Variants in RALGAPA2 observed in about 807,000 individuals in gnomAD.
RALGAPA2 encodes the protein ral GTPase-activating protein subunit alpha-2.
RALGAPA2 carries 139 observed loss-of-function variants against 230.4 expected under a neutral mutation model. The observed-to-expected ratio is 0.60, with a 90% CI of 0.53 to 0.69. RALGAPA2 has a LOEUF of 0.69. Ranked by LOEUF, RALGAPA2 falls within the 30% of genes least tolerant of loss-of-function variation. The pLI is 0.00. For synonymous variants in RALGAPA2, 847 were observed against 837.8 expected, an observed-to-expected ratio of 1.01 and a Z score of -0.19; for missense variants, 2,163 against 2,276.0, an observed-to-expected ratio of 0.95 and a Z score of 1.01.
intron 4 of RALGAPA2, among the ~76,000 whole-genome samples, chr20:20,651,324 T>C (rs1052616189): frequency 6.6e-6 from 1 of 152,230 alleles, no homozygotes; most frequent in Admixed American, 6.5e-5. Flanking sequence ...AAAGAGCCTG[T>C]TTGACTTTAA....
intron 10 of RALGAPA2, among the ~76,000 whole-genome samples, chr20:20,625,983 C>T (rs1409333310): frequency 6.6e-6 from 1 of 152,204 alleles, no homozygotes; most frequent in East Asian, 1.9e-4. Context: ...TCTTTAGCCT[C>T]TGTCATGAGC....
At position 20,396,740 on chromosome 20, in the gene RALGAPA2, G is replaced by A; in HGVS notation, c.5618-6C>T. The A allele has an allele frequency of 6.2e-7, 1 of 1,602,002 alleles. No homozygotes were observed. Among genetic ancestry groups the A allele is most frequent in the South Asian group, 1.1e-5 (1 of 90,424 alleles). On this transcript the variant is annotated splice_polypyrimidine_tract_variant and splice_region_variant and intron_variant, in intron 38 of 39. Transcript: ENST00000202677. The stretch of plus-strand genomic sequence containing the variant: ...AGACCTTTACGTGTTTTAATCTGAA[G>A]GGAAAGAACACAAAATGGAATGAAT...
Position 20,611,336 on chromosome 20 carries a change from G to C in RALGAPA2, c.1779C>G (p.Ser593Arg). The C allele has an allele frequency of 1.9e-6, 3 of 1,612,830 alleles. No homozygotes were observed. The highest frequency in any genetic ancestry group is 2.5e-6 in the Non-Finnish European group (3 of 1,179,198). ...TTACCCTAAATAGTAACCCTGCCAA[G>C]CTCTGGGCAAACAAGTCCTTTATTT... ...DKQIKDLFAQ[S>R]LAGLLFRTLM... Residue 593 changes from serine (S) to arginine (R), a missense_variant, in exon 14 of 40, where the codon AGC becomes AGG. Transcript: ENST00000202677.
intron 4 of RALGAPA2, among the ~76,000 whole-genome samples, chr20:20,651,284 T>C (rs1233614444): frequency 2.6e-5 from 4 of 152,218 alleles, no homozygotes; most frequent in African/African-American, 9.6e-5. Flanking sequence ...CCACCCAATA[T>C]GATTATTATG....
chr20:20,605,161 A>G lies in RALGAPA2; in HGVS notation c.2038+14T>C. 1 of 1,572,974 alleles carries G rather than the reference A, an allele frequency of 6.4e-7. No individual in the cohort carries two copies. The highest frequency in any genetic ancestry group is 8.7e-7 in the Non-Finnish European group (1 of 1,149,072). ...TCCTAGACATCTGGTGTTAACCTGG[A>G]AGAGTGGAAATACCTTTGCCTCGTT... On this transcript the variant is annotated intron_variant, in intron 15 of 39. Transcript: ENST00000202677.
At chr20:20,483,217 G>C (rs1342163299) in intron 36 of RALGAPA2, among the ~76,000 whole-genome samples, 1 of 152,160 alleles carries the variant, frequency 6.6e-6, no homozygotes, top group Admixed American at 6.5e-5. Flanking sequence ...AAATACCACT[G>C]CCCATCAAAG....
intron 10 of RALGAPA2, among the ~76,000 whole-genome samples, chr20:20,621,265 T>C (rs1482376725): frequency 6.6e-6 from 1 of 152,192 alleles, no homozygotes; most frequent in Non-Finnish European, 1.5e-5. Context: ...ACAATTATAA[T>C]GCACAACCTG....
rs1171469232 is a variant in RALGAPA2 at position 20,616,212 on chromosome 20, A to G, written c.1540-21T>C. On this transcript the variant is annotated intron_variant, in intron 12 of 39. Coordinates refer to ENST00000202677, the MANE Select transcript of RALGAPA2 (RefSeq NM_020343.4). The stretch of plus-strand genomic sequence containing the variant: ...AATACCTTAAAATCAACAACTTTAC[A>G]TTAGAAAATATAACTGAACATAAAC... The G allele has an allele frequency of 2.1e-6, 3 of 1,449,260 alleles. No individual in the cohort carries two copies. The South Asian group carries it at 4.2e-5, about 20-fold the overall frequency. The allele number at this position is 1,449,260 out of a possible 1,614,324, so 89.8% of individuals were successfully genotyped here.
chr20:20,430,778 C>G (rs1254346404), intron 37 of RALGAPA2, among the ~76,000 whole-genome samples: 1 of 152,208 alleles, frequency 6.6e-6, no homozygotes, highest in Non-Finnish European at 1.5e-5. Context: ...GTATGTACAT[C>G]ACTGGGATCA....
At chr20:20,412,296 A>G in intron 37 of RALGAPA2, 148 bp from the exon 38 acceptor site, 1 of 1,147,590 alleles carries the variant, frequency 8.7e-7, no homozygotes, top group Admixed American at 2.3e-5. Flanking sequence ...ATTAAGTATT[A>G]GTCATAATTC....
At chr20:20,537,743 T>C (rs1602697829) in intron 24 of RALGAPA2, among the ~76,000 whole-genome samples, 1 of 151,814 alleles carries the variant, frequency 6.6e-6, no homozygotes, top group African/African-American at 2.4e-5. Context: ...TATCTGTCCA[T>C]CTATATGTCT....
chr20:20,611,016 C>T (rs776830541), intron 14 of RALGAPA2, among the ~76,000 whole-genome samples: 7 of 152,254 alleles, frequency 4.6e-5, no homozygotes, highest in African/African-American at 1.4e-4. Flanking sequence ...CCCATACTTT[C>T]GTTCATCCTT....
chr20:20,594,716 A>G (rs1253017509), intron 16 of RALGAPA2, among the ~76,000 whole-genome samples: 1 of 151,510 alleles, frequency 6.6e-6, no homozygotes, highest in Non-Finnish European at 1.5e-5. Flanking sequence ...ACCATTACTA[A>G]ACTATTACTT....
chr20:20,637,253 A>G (rs1391106477), intron 8 of RALGAPA2, 110 bp downstream of exon 8: 2 of 894,902 alleles, frequency 2.2e-6, no homozygotes, highest in East Asian at 3.0e-5. Flanking sequence ...TTACCATTCA[A>G]TACAAAAATA....
At position 20,653,195 on chromosome 20, in the gene RALGAPA2, C is replaced by CAAAAA. The variant is rs60906434; in HGVS notation, c.328+330_328+334dup. Among the ~76,000 whole-genome samples, 50 of 27,530 alleles carry CAAAAA rather than the reference C, an allele frequency of 1.8e-3. 2 individuals are homozygous for CAAAAA. The highest frequency in any genetic ancestry group is 2.9e-3 in the African/African-American group (29 of 10,170). 18.1% of individuals were successfully genotyped at this position (27,530 alleles called of 152,430 possible). On this transcript the variant is annotated intron_variant, in intron 4 of 39. Transcript: ENST00000202677. ...TAGGCGACAGAGCAAGACTCCATCTCAAAAAAAAAAAAAAAAAAAAAAAAA... is the reference window on the plus strand; with the variant it reads ...TAGGCGACAGAGCAAGACTCCATCTCAAAAAAAAAAAAAAAAAAAAAAAAAAAAAA...
At chr20:20,676,007 A>G (rs1363886015) in intron 3 of RALGAPA2, among the ~76,000 whole-genome samples, 2 of 152,178 alleles carry the variant, frequency 1.3e-5, no homozygotes, top group African/African-American at 2.4e-5. Flanking sequence ...TTTCACATCT[A>G]GGTACCCATA....
chr20:20,585,625 G>A (rs923962190), intron 18 of RALGAPA2, among the ~76,000 whole-genome samples: 12 of 152,180 alleles, frequency 7.9e-5, no homozygotes, highest in Non-Finnish European at 1.5e-4. Flanking sequence ...AGCTTTATAG[G>A]AGAGCTGTTC....
At chr20:20,631,149 C>T (rs933756356) in intron 9 of RALGAPA2, among the ~76,000 whole-genome samples, 9 of 152,160 alleles carry the variant, frequency 5.9e-5, no homozygotes, top group African/African-American at 2.2e-4. Context: ...ACTCTTGGAG[C>T]CCTGAGTAGG....
chr20:20,424,868 TA>T, intron 37 of RALGAPA2, among the ~76,000 whole-genome samples: 1 of 151,434 alleles, frequency 6.6e-6, no homozygotes. Flanking sequence ...TGGCAAAGTA[TA>T]AAAAGAGTAG....
Sources: allele counts gnomAD v4.1 joint callset (sites outside exome capture counted in the v4.1 genomes callset), GRCh38; gene constraint gnomAD v4.1.1; transcripts MANE v1.5; gene names NCBI Gene and HGNC (gene_info 2026-07-23, HGNC 2026-07-21).